The following TNNI3K variants were observed in gnomAD, a reference collection of about 807,000 sequenced individuals.
TNNI3K encodes the protein serine/threonine-protein kinase TNNI3K.
A neutral mutation model predicts 114.5 loss-of-function variants in TNNI3K; 140 were observed. The observed-to-expected ratio is 1.22, with a 90% CI of 1.07 to 1.41. The LOEUF is 1.41. Among genes scored for constraint, TNNI3K ranks in the 40% most tolerant of loss-of-function variants. TNNI3K has a pLI of 0.00. For missense variants in TNNI3K, 1,125 were observed against 1,007.6 expected, an observed-to-expected ratio of 1.12 and a Z score of -1.58; for synonymous variants, 347 against 347.5, an observed-to-expected ratio of 1.00 and a Z score of 0.02.
At chr1:74,288,332 G>A (rs1268543766) in intron 5 of TNNI3K, among the ~76,000 whole-genome samples, 2 of 152,066 alleles carry the variant, frequency 1.3e-5, no homozygotes, top group African/African-American at 4.8e-5. Context: ...CAATAGCCAA[G>A]ATGTGAAATC....
chr1:74,531,873 C>T (rs1043576426), intron 23 of TNNI3K, among the ~76,000 whole-genome samples: 1 of 152,152 alleles, frequency 6.6e-6, no homozygotes, highest in Non-Finnish European at 1.5e-5. Context: ...TGACAGACGG[C>T]AATAAACCAC....
chr1:74,331,536 T>A lies in TNNI3K; in HGVS notation c.531T>A (p.Tyr177Ter). 1 of 1,612,532 alleles carries A rather than the reference T, an allele frequency of 6.2e-7. No individual in the cohort carries two copies. The highest frequency in any genetic ancestry group is 1.1e-5 in the South Asian group (1 of 90,792). Residue 177 changes from tyrosine (Y) to a stop codon, truncating the protein, a stop_gained, in exon 6 of 25, where the codon TAT (tyrosine) becomes TAA (stop). Transcript: ENST00000326637. LOFTEE classifies it high-confidence loss of function. The part of the protein sequence containing the change: ...FFTPLHIAAY[Y>*]GHEQVTRLLL... Reference sequence around the variant, plus strand: ...CTCCATTGCATATTGCAGCGTACTATGGACATGAACAGGTAAGTCTGACAG... The same window carrying A: ...CTCCATTGCATATTGCAGCGTACTAAGGACATGAACAGGTAAGTCTGACAG...
chr1:74,324,875 C>CG (rs1659815749), intron 5 of TNNI3K, among the ~76,000 whole-genome samples: 2 of 152,088 alleles, frequency 1.3e-5, no homozygotes, highest in Non-Finnish European at 2.9e-5. Context: ...ATCTGCTGCT[C>CG]AGTTGTGCTA....
chr1:74,430,129 C>T (rs1251225352), intron 17 of TNNI3K, among the ~76,000 whole-genome samples: 2 of 152,042 alleles, frequency 1.3e-5, no homozygotes, highest in Non-Finnish European at 2.9e-5. Flanking sequence ...CTTCTAAGGC[C>T]ACCATGAACT....
chr1:74,357,437 T>A (rs1190716324), intron 11 of TNNI3K, among the ~76,000 whole-genome samples: 6 of 152,278 alleles, frequency 3.9e-5, no homozygotes, highest in African/African-American at 1.4e-4. Context: ...CTAAGCCAAA[T>A]TTTTCACCTG....
chr1:74,381,185 A>G (rs1169023194), intron 17 of TNNI3K, among the ~76,000 whole-genome samples: 1 of 152,156 alleles, frequency 6.6e-6, no homozygotes. Context: ...GATGTGGGCT[A>G]TCACCCTATT....
chr1:74,361,304 A>G (rs1411728074), intron 11 of TNNI3K, among the ~76,000 whole-genome samples: 2 of 152,084 alleles, frequency 1.3e-5, no homozygotes, highest in South Asian at 2.1e-4. Context: ...GACAGTCTCA[A>G]CTATCCTGAC....
rs1646656947 is a variant in TNNI3K at position 74,535,989 on chromosome 1, C to T, written c.2352-4245C>T. ...AATAAAGTAAATCTAGAATGATTTT[C>T]TTTTCTTAATGTATCCATGGTAGCT... On this transcript the variant is annotated intron_variant, in intron 23 of 24. Coordinates refer to ENST00000326637, the MANE Select transcript of TNNI3K (RefSeq NM_015978.3). Among the ~76,000 whole-genome samples the T allele has an allele frequency of 2.0e-5, 3 of 152,186 alleles. No individual in the cohort carries two copies. In the East Asian group the frequency reaches 5.8e-4, roughly 29 times the overall value.
chr1:74,281,898 A>G (rs1657037951), intron 5 of TNNI3K, among the ~76,000 whole-genome samples: 1 of 152,158 alleles, frequency 6.6e-6, no homozygotes, highest in Non-Finnish European at 1.5e-5. Flanking sequence ...CCTTCTGATA[A>G]TTAAACATCT....
At chr1:74,424,918 T>C (rs1291876420) in intron 17 of TNNI3K, among the ~76,000 whole-genome samples, 3 of 151,928 alleles carry the variant, frequency 2.0e-5, no homozygotes, top group Non-Finnish European at 4.4e-5. Context: ...AAATATGAGA[T>C]CTGTGCAAAG....
chr1:74,409,240 A>G (rs1664763163), intron 17 of TNNI3K, among the ~76,000 whole-genome samples: 1 of 152,124 alleles, frequency 6.6e-6, no homozygotes. Flanking sequence ...CCCAGTATTC[A>G]AACCTAAGTC....
At chr1:74,483,549 A>T (rs1557597624) in intron 21 of TNNI3K, among the ~76,000 whole-genome samples, 1 of 152,218 alleles carries the variant, frequency 6.6e-6, no homozygotes, top group Non-Finnish European at 1.5e-5. Context: ...TAGAATTTAA[A>T]CTGAAATGTT....
intron 5 of TNNI3K, among the ~76,000 whole-genome samples, chr1:74,286,229 G>T (rs1375487847): frequency 1.3e-5 from 2 of 152,164 alleles, no homozygotes; most frequent in African/African-American, 4.8e-5. Context: ...CCAGCACCAT[G>T]CCTACCCCAG....
chr1:74,416,368 C>G, intron 17 of TNNI3K: 1 of 983,630 alleles, frequency 1.0e-6, no homozygotes, highest in Non-Finnish European at 1.2e-6. Context: ...ACGAGCAGAG[C>G]TGAAGAAGGA....
chr1:74,346,364 G>A (rs973195061), intron 9 of TNNI3K, among the ~76,000 whole-genome samples: 5 of 152,052 alleles, frequency 3.3e-5, no homozygotes, highest in African/African-American at 1.2e-4. Flanking sequence ...GAACCCTCCT[G>A]AATTTCTAAT....
chr1:74,489,289 C>T (rs1303740143), intron 22 of TNNI3K, 41 bp downstream of exon 22: 4 of 1,587,616 alleles, frequency 2.5e-6, no homozygotes, highest in South Asian at 1.2e-5. Flanking sequence ...TAAAAAAGCC[C>T]TGCATATCCA....
intron 21 of TNNI3K, chr1:74,475,157 C>CACACAG (rs1491153572): frequency 2.0e-5 from 11 of 551,864 alleles, no homozygotes; most frequent in Admixed American, 3.2e-5. Flanking sequence ...CACACACACA[C>CACACAG]AGTATTTTTA....
At chr1:74,504,841 C>T (rs1669810235) in intron 23 of TNNI3K, among the ~76,000 whole-genome samples, 1 of 152,150 alleles carries the variant, frequency 6.6e-6, no homozygotes, top group South Asian at 2.1e-4. Flanking sequence ...AATGCACTCC[C>T]TCCTAACCCA....
At chr1:74,440,443 G>T (rs896346525) in intron 20 of TNNI3K, among the ~76,000 whole-genome samples, 18 of 151,838 alleles carry the variant, frequency 1.2e-4, no homozygotes, top group African/African-American at 4.1e-4. Context: ...ATATAAGAAG[G>T]ATAAAGTCAA....
Sources: allele counts gnomAD v4.1 joint callset (sites outside exome capture counted in the v4.1 genomes callset), GRCh38; gene constraint gnomAD v4.1.1; transcripts MANE v1.5; gene names NCBI Gene and HGNC (gene_info 2026-07-23, HGNC 2026-07-21).